Variants in WDSUB1 observed in about 807,000 individuals in gnomAD.
WDSUB1 encodes the protein WD repeat, sterile alpha motif and U-box domain containing 1.
A neutral mutation model predicts 53.9 loss-of-function variants in WDSUB1; 49 were observed. The observed-to-expected ratio is 0.91, with a 90% CI of 0.72 to 1.15. The LOEUF (loss-of-function observed/expected upper bound fraction) is 1.15. Ranked by LOEUF, WDSUB1 falls within the 50% of genes most tolerant of loss-of-function variation. WDSUB1 has a pLI of 0.00. For missense variants in WDSUB1, 514 were observed against 562.0 expected (o/e 0.91, Z 0.86); for synonymous variants, 194 against 200.6 (o/e 0.97, Z 0.28).
At chr2:159,261,884 ATATATATATATATTTTTTTTTTT>A (rs2061220841) in intron 5 of WDSUB1, among the ~76,000 whole-genome samples, 7 of 19,730 alleles carry the variant, frequency 3.5e-4, no homozygotes, top group South Asian at 3.1e-3. Context: ...ATATATATAT[ATATATATATATATTTTTTTTTTT>A]TTTTTTTTTT....
At chr2:159,283,546 G>C (rs1271639505) in intron 1 of WDSUB1, among the ~76,000 whole-genome samples, 1 of 149,072 alleles carries the variant, frequency 6.7e-6, no homozygotes, top group Non-Finnish European at 1.5e-5. Flanking sequence ...TCCAGCTTGG[G>C]TGACAGAGCG....
At chr2:159,248,220 T>C (rs751038358) in intron 10 of WDSUB1, 152 bp downstream of exon 10, 4 of 816,738 alleles carry the variant, frequency 4.9e-6, no homozygotes, top group Non-Finnish European at 7.3e-6. Context: ...TTATGAAATA[T>C]ACAATATTCA....
intron 6 of WDSUB1, 114 bp downstream of exon 6, chr2:159,259,696 C>G: frequency 8.8e-7 from 1 of 1,136,854 alleles, no homozygotes; most frequent in Non-Finnish European, 1.2e-6. Context: ...TATTTATGTT[C>G]TTAGTCATAC....
chr2:159,242,734 A>C (rs2060689326), intron 10 of WDSUB1, among the ~76,000 whole-genome samples: 1 of 147,982 alleles, frequency 6.8e-6, no homozygotes, highest in African/African-American at 2.6e-5. Context: ...AGAAGGATAC[A>C]CCTAAACCGT....
chr2:159,284,591 A>C (rs918798792), intron 1 of WDSUB1, among the ~76,000 whole-genome samples: 2 of 152,222 alleles, frequency 1.3e-5, no homozygotes. Context: ...AAATAGTAAA[A>C]TTATACAAAA....
intron 5 of WDSUB1, among the ~76,000 whole-genome samples, chr2:159,265,038 C>T (rs1050706853): frequency 2.7e-5 from 4 of 149,992 alleles, no homozygotes; most frequent in Non-Finnish European, 4.4e-5. Flanking sequence ...GAGCTGAGAT[C>T]GCGCCATTGC....
chr2:159,249,924 G>A (rs75312302), intron 9 of WDSUB1, among the ~76,000 whole-genome samples: 3 of 106,712 alleles, frequency 2.8e-5, no homozygotes, highest in African/African-American at 3.6e-5. Context: ...AAAAAAAAAA[G>A]AAAGAAAGAA....
At chr2:159,256,907 C>G (rs893788415) in intron 8 of WDSUB1, among the ~76,000 whole-genome samples, 1 of 152,070 alleles carries the variant, frequency 6.6e-6, no homozygotes, top group Non-Finnish European at 1.5e-5. Context: ...AACTTAGAAA[C>G]CATGGGAGGA....
intron 5 of WDSUB1, among the ~76,000 whole-genome samples, chr2:159,262,681 T>C (rs1316769898): frequency 6.6e-6 from 1 of 152,126 alleles, no homozygotes; most frequent in Non-Finnish European, 1.5e-5. Context: ...GGAAGGTAAA[T>C]TAGGGTTAGG....
chr2:159,240,576 T>G (rs2060617803), intron 10 of WDSUB1, among the ~76,000 whole-genome samples: 1 of 152,246 alleles, frequency 6.6e-6, no homozygotes, highest in East Asian at 1.9e-4. Context: ...AAGTGCTTAT[T>G]GCCAAACAGC....
chr2:159,278,378 G>A (rs1009020765), intron 3 of WDSUB1, among the ~76,000 whole-genome samples: 1 of 152,134 alleles, frequency 6.6e-6, no homozygotes, highest in African/African-American at 2.4e-5. Context: ...ACATTTCAAG[G>A]CCTACTCTGT....
intron 10 of WDSUB1, among the ~76,000 whole-genome samples, chr2:159,242,909 C>CAATAGATATAAAAATATACA (rs2060697552): frequency 6.8e-6 from 1 of 146,812 alleles, no homozygotes; most frequent in Non-Finnish European, 1.5e-5. Flanking sequence ...GCAATTAGTC[C>CAATAGATATAAAAATATACA]AATAGATATA....
intron 10 of WDSUB1, among the ~76,000 whole-genome samples, chr2:159,248,124 A>C (rs1009974273): frequency 4.0e-5 from 6 of 151,458 alleles, no homozygotes; most frequent in African/African-American, 1.5e-4. Flanking sequence ...TTATCTTTAC[A>C]TCCTAGCAAC....
At chr2:159,284,658 TAAGA>T (rs746803349) in intron 1 of WDSUB1, among the ~76,000 whole-genome samples, 9 of 152,132 alleles carry the variant, frequency 5.9e-5, no homozygotes, top group Non-Finnish European at 1.0e-4. Context: ...AAAGAAAACC[TAAGA>T]AAGTGTCAAA....
intron 2 of WDSUB1, among the ~76,000 whole-genome samples, chr2:159,282,197 A>C (rs113125429): frequency 7.4e-6 from 1 of 135,044 alleles, no homozygotes; most frequent in Non-Finnish European, 1.5e-5. Flanking sequence ...GTTAAAAAAA[A>C]TTTTTTTTTT....
intron 3 of WDSUB1, among the ~76,000 whole-genome samples, chr2:159,277,150 G>A (rs2061558231): frequency 6.6e-6 from 1 of 152,118 alleles, no homozygotes; most frequent in African/African-American, 2.4e-5. Flanking sequence ...CTTTACTAAC[G>A]AACAACAAAT....
At chr2:159,278,864 T>A (rs2061595839) in intron 3 of WDSUB1, among the ~76,000 whole-genome samples, 1 of 152,188 alleles carries the variant, frequency 6.6e-6, no homozygotes, top group Admixed American at 6.5e-5. Flanking sequence ...CTGTCTACTC[T>A]TTGGACCTGT....
intron 3 of WDSUB1, among the ~76,000 whole-genome samples, chr2:159,278,102 AC>A (rs2061580601): frequency 6.6e-6 from 1 of 152,190 alleles, no homozygotes; most frequent in Non-Finnish European, 1.5e-5. Context: ...ATCATTTAGA[AC>A]CAAAAAAGGA....
chr2:159,264,997 G>T (rs1445463666), intron 5 of WDSUB1, among the ~76,000 whole-genome samples: 1 of 150,982 alleles, frequency 6.6e-6, no homozygotes, highest in African/African-American at 2.4e-5. Flanking sequence ...CGCAGGAGAA[G>T]CACTTGAACC....
Sources: gnomAD v4.1 joint callset for allele counts (sites outside exome capture counted in the v4.1 genomes callset) on GRCh38, gnomAD v4.1.1 for gene constraint, MANE v1.5 for transcripts, NCBI Gene and HGNC (gene_info 2026-07-23, HGNC 2026-07-21) for gene names.